Variants in MYH11 observed in about 807,000 individuals in gnomAD.
MYH11 encodes myosin-11.
In MYH11, 80 loss-of-function variants were observed where a neutral mutation model predicts 246.6. The observed-to-expected ratio is 0.32, with a 90% CI of 0.27 to 0.39. The LOEUF (loss-of-function observed/expected upper bound fraction) is 0.39, where lower values mean the gene tolerates loss of function less well. Among genes scored for constraint, MYH11 ranks in the 10% least tolerant of loss-of-function variants. The pLI is 1.00. For synonymous variants in MYH11, 1,071 were observed against 1,015.5 expected (o/e 1.05, Z -1.04); for missense variants, 2,158 against 2,546.8 (o/e 0.85, Z 3.29).
At chr16:15,760,057 A>C (rs974038614) in intron 11 of MYH11, among the ~76,000 whole-genome samples, 1 of 151,910 alleles carries the variant, frequency 6.6e-6, no homozygotes, top group African/African-American at 2.4e-5. Flanking sequence ...CGATGGCACC[A>C]CTGCACCCCC....
chr16:15,838,093 TCTC>T lies in MYH11; in HGVS notation c.157_159del (p.Glu53del). On this transcript the variant is annotated inframe_deletion, in exon 2 of 41. Transcript: ENST00000300036. ...AGCTCCACAACCACCTCATCCCCCT[TCTC>T]CTCCTTAATGCTGGCTGCCTCGAAG... The T allele has an allele frequency of 1.2e-6, 2 of 1,613,698 alleles. No homozygotes were observed. The highest frequency in any genetic ancestry group is 1.1e-5 in the South Asian group (1 of 91,044).
intron 40 of MYH11, among the ~76,000 whole-genome samples, chr16:15,708,169 A>G (rs931672286): frequency 1.3e-5 from 2 of 152,102 alleles, no homozygotes; most frequent in African/African-American, 4.8e-5. Flanking sequence ...CTGAAAATGC[A>G]GTTTGTAGCT....
intron 3 of MYH11, among the ~76,000 whole-genome samples, chr16:15,802,551 C>T (rs1429122503): frequency 1.3e-5 from 2 of 152,234 alleles, no homozygotes; most frequent in Non-Finnish European, 2.9e-5. Context: ...CAGGCTCAAG[C>T]AATCCTCCCT....
intron 3 of MYH11, among the ~76,000 whole-genome samples, chr16:15,804,468 G>A (rs2042964347): frequency 6.6e-6 from 1 of 152,156 alleles, no homozygotes; most frequent in South Asian, 2.1e-4. Context: ...TTTGCAGTGA[G>A]CTGAGATCGC....
In MYH11 at chr16:15,726,980, G is replaced by T; in HGVS notation, c.3726C>A (p.Val1242=). The T allele has an allele frequency of 6.2e-7, 1 of 1,611,860 alleles. No individual in the cohort carries two copies. Among genetic ancestry groups the T allele is most frequent in the Non-Finnish European group, 8.5e-7 (1 of 1,178,808 alleles). ...CCACCTCCTGCTTGGCCTGGCCCAG[G>T]ACCCGCAGCTCCCCGGCCAGGTCTG... ...ENADLAGELR[V]LGQAKQEVEH... is the part of the protein sequence containing the mutation. Residue 1242 remains valine (V), a synonymous_variant, in exon 28 of 41, where the codon GTC becomes GTA. Coordinates refer to ENST00000300036, the MANE Select transcript of MYH11 (RefSeq NM_002474.3).
intron 40 of MYH11, among the ~76,000 whole-genome samples, chr16:15,708,100 A>G (rs914669833): frequency 7.2e-5 from 11 of 152,134 alleles, no homozygotes; most frequent in African/African-American, 2.7e-4. Context: ...TGAAGCCTCC[A>G]GAAAAGGCTC....
chr16:15,800,917 A>T (rs2042869798), intron 3 of MYH11, among the ~76,000 whole-genome samples: 1 of 152,114 alleles, frequency 6.6e-6, no homozygotes, highest in Non-Finnish European at 1.5e-5. Flanking sequence ...ACATTTAAAA[A>T]TAGGCAGGCC....
intron 10 of MYH11, among the ~76,000 whole-genome samples, chr16:15,761,383 G>T (rs1056775889): frequency 3.3e-5 from 5 of 152,310 alleles, no homozygotes; most frequent in African/African-American, 9.6e-5. Context: ...TAAGTGCTGG[G>T]ATTACAGGCG....
chr16:15,709,868 C>T (rs1052748463), intron 40 of MYH11, among the ~76,000 whole-genome samples: 5 of 152,264 alleles, frequency 3.3e-5, no homozygotes, highest in East Asian at 1.9e-4. Context: ...AGGCCTTGTA[C>T]AGCTCTTGCC....
intron 4 of MYH11, among the ~76,000 whole-genome samples, chr16:15,793,180 C>A (rs1048766699): frequency 6.6e-6 from 1 of 152,206 alleles, no homozygotes; most frequent in Non-Finnish European, 1.5e-5. Context: ...AGGCCCATGG[C>A]CTCTAATTAA....
Position 15,750,464 on chromosome 16 carries a change from A to C in MYH11, c.1865-133T>G, listed in dbSNP as rs2151264375. The C allele has an allele frequency of 2.3e-6, 2 of 875,654 alleles. No homozygotes were observed. Among genetic ancestry groups the C allele is most frequent in the South Asian group, 3.0e-5 (2 of 65,874 alleles). The allele number at this position is 875,654 out of a possible 1,614,324, so 54.2% of individuals were successfully genotyped here. Reference sequence around the variant, plus strand: ...TTCCATCACCAACGCCTCCTTCGGCAGTCAGGGTTTCCAAGTATTGTCTAT... The same window carrying C: ...TTCCATCACCAACGCCTCCTTCGGCCGTCAGGGTTTCCAAGTATTGTCTAT... On this transcript the variant is annotated intron_variant, in intron 15 of 40. Transcript: ENST00000300036. This position sits in a 1 kb window ranked among gnomAD's most constrained non-coding sequence, Gnocchi z 4.3.
rs750288054 is a variant in MYH11 at position 15,726,939 on chromosome 16, T to A, written c.3767A>T (p.Lys1256Met). 2 of 1,613,196 alleles carry A rather than the reference T, an allele frequency of 1.2e-6. No homozygotes were observed. The highest frequency in any genetic ancestry group is 3.3e-5 in the Admixed American group (2 of 59,974). The change falls in exon 28 of 41, where the codon AAG becomes ATG. Residue 1256 changes from lysine (K) to methionine (M), a missense_variant. This residue lies in a region of MYH11 where 1,013 missense variants were observed against 993.5 expected (regional missense o/e 1.02). Transcript: ENST00000300036. ...AKQEVEHKKKKLEAQVQELQS... is the reference protein window; with the variant it reads ...AKQEVEHKKKMLEAQVQELQS... ...CAGCTCCTGCACCTGCGCCTCCAGC[T>A]TCTTCTTCTTATGTTCCACCTCCTG...
chr16:15,849,141 C>A (rs1324392463), intron 1 of MYH11, among the ~76,000 whole-genome samples: 2 of 152,184 alleles, frequency 1.3e-5, no homozygotes, highest in Non-Finnish European at 2.9e-5. Flanking sequence ...TAGCTTACTG[C>A]AGGCTCAAAC....
chr16:15,720,053 G>A, intron 34 of MYH11, 98 bp downstream of exon 34: 2 of 1,507,184 alleles, frequency 1.3e-6, no homozygotes, highest in Non-Finnish European at 1.8e-6. Context: ...AATGGCAGGT[G>A]CAGGCTTGCT....
chr16:15,834,826 G>C (rs75835245), intron 2 of MYH11, among the ~76,000 whole-genome samples: 2 of 151,790 alleles, frequency 1.3e-5, no homozygotes, highest in African/African-American at 4.8e-5. Flanking sequence ...TCCCAGCGCC[G>C]TGAAAAGTCA....
rs113504015 is a variant in MYH11, at chr16:15,717,139, C to T, written c.5504+1G>A. 1 of 1,614,216 alleles carries T rather than the reference C, an allele frequency of 6.2e-7. No homozygotes were observed. Among genetic ancestry groups the T allele is most frequent in the Non-Finnish European group, 8.5e-7 (1 of 1,180,034 alleles). On this transcript the variant is annotated splice_donor_variant, in intron 38 of 40. Transcript: ENST00000300036. LOFTEE classifies it high-confidence loss of function. ...GGGTTCGGAACTCCACACCCGCATA[C>T]CTGGCCTCCTGCTCGACCTGCTCCT...
intron 3 of MYH11, among the ~76,000 whole-genome samples, chr16:15,812,507 A>G (rs921114127): frequency 1.8e-4 from 25 of 135,364 alleles, no homozygotes; most frequent in Admixed American, 1.1e-3. Flanking sequence ...ACTTGAGGCC[A>G]GGAATGAGAG....
chr16:15,815,038 A>G (rs551702938), intron 3 of MYH11, among the ~76,000 whole-genome samples: 14 of 152,372 alleles, frequency 9.2e-5, no homozygotes, highest in African/African-American at 2.6e-4. Flanking sequence ...TTCTCTGAAG[A>G]ATCAGATTAG....
At chr16:15,833,781 G>A (rs961902937) in intron 2 of MYH11, among the ~76,000 whole-genome samples, 5 of 152,082 alleles carry the variant, frequency 3.3e-5, no homozygotes, top group Admixed American at 2.6e-4. Context: ...CTCACTACCC[G>A]CCTATTAACA....
Sources: gnomAD v4.1 joint callset for allele counts (sites outside exome capture counted in the v4.1 genomes callset) on GRCh38, gnomAD v4.1.1 for gene constraint, gnomAD v4.1.1 regional missense constraint, Gnocchi (gnomAD v3.1) non-coding constraint, MANE v1.5 for transcripts, NCBI Gene and HGNC (gene_info 2026-07-23, HGNC 2026-07-21) for gene names.